Variants in FRMD6 observed in about 807,000 individuals in gnomAD.
FRMD6 encodes FERM domain-containing protein 6.
In FRMD6, 37 loss-of-function variants were observed where a neutral mutation model predicts 73.2. That is an observed-to-expected ratio of 0.51 (90% confidence interval 0.39 to 0.66). The LOEUF (loss-of-function observed/expected upper bound fraction) is 0.66, where lower values mean the gene tolerates loss of function less well. Ranked by LOEUF, FRMD6 falls within the 30% of genes least tolerant of loss-of-function variation. The pLI is 0.00. For synonymous variants in FRMD6, 273 were observed against 282.2 expected, an observed-to-expected ratio of 0.97 and a Z score of 0.33; for missense variants, 714 against 780.5, an observed-to-expected ratio of 0.91 and a Z score of 1.02.
chr14:51,524,436 C>T (rs8014586), intron 1 of FRMD6, among the ~76,000 whole-genome samples: 7 of 151,768 alleles, frequency 4.6e-5, no homozygotes, highest in Middle Eastern at 3.4e-3. Context: ...TTGCGGGGAG[C>T]GGGACCTCTG....
In FRMD6 at chr14:51,599,058, C is replaced by CTTTTCTTTTTTTTTTTTTTTTTTT. The variant is rs1158794443; in HGVS notation, c.-147+28652_-147+28653insCTTTTTTTTTTTTTTTTTTTTTTT. Among the ~76,000 whole-genome samples, 6 of 72,798 alleles carry CTTTTCTTTTTTTTTTTTTTTTTTT rather than the reference C, an allele frequency of 8.2e-5. 1 individual carries two copies. The highest frequency in any genetic ancestry group is 2.2e-4 in the African/African-American group (4 of 18,154). The allele number at this position is 72,798 out of a possible 152,430, so 47.8% of individuals were successfully genotyped here. The stretch of plus-strand genomic sequence containing the variant: ...TCTCAGCAGCCTTGCCAGTATCTGT[C>CTTTTCTTTTTTTTTTTTTTTTTTT]TTTTTTTTTTTTTTTTTTTTTTTTT... On this transcript the variant is annotated intron_variant, in intron 2 of 14. Coordinates refer to the FRMD6 transcript ENST00000356218.
At chr14:51,512,223 G>A (rs934541144) in intron 1 of FRMD6, among the ~76,000 whole-genome samples, 1 of 152,124 alleles carries the variant, frequency 6.6e-6, no homozygotes, top group African/African-American at 2.4e-5. Context: ...TGCATATGAA[G>A]GTGTTGTGGT....
chr14:51,694,727 G>A (rs1222950188), intron 2 of FRMD6, among the ~76,000 whole-genome samples: 2 of 152,144 alleles, frequency 1.3e-5, no homozygotes, highest in African/African-American at 4.8e-5. Context: ...TATATTTTTA[G>A]ATAAAGCTTT....
intron 2 of FRMD6, among the ~76,000 whole-genome samples, chr14:51,592,640 A>G (rs1279544080): frequency 1.3e-5 from 2 of 152,200 alleles, no homozygotes; most frequent in East Asian, 1.9e-4. Flanking sequence ...GCTTCAAACA[A>G]CAAATTATTG....
the FRMD6 span, among the ~76,000 whole-genome samples, chr14:51,429,765 A>T: frequency 2.6e-5 from 4 of 152,198 alleles, no homozygotes; most frequent in African/African-American, 4.8e-5. Flanking sequence ...ATATTTATAA[A>T]ATAAGGAAGT....
At chr14:51,723,299 G>A (rs930429380) in intron 12 of FRMD6, among the ~76,000 whole-genome samples, 1 of 152,146 alleles carries the variant, frequency 6.6e-6, no homozygotes, top group Non-Finnish European at 1.5e-5. Flanking sequence ...AACTGTGTAT[G>A]CCGCAGTGCC....
At chr14:51,696,263 T>G (rs1350092919) in intron 2 of FRMD6, among the ~76,000 whole-genome samples, 2 of 151,632 alleles carry the variant, frequency 1.3e-5, no homozygotes, top group East Asian at 3.9e-4. Context: ...TTTCTTAAAC[T>G]CTATCCAAAC....
chr14:51,578,063 C>A (rs1470067875), intron 2 of FRMD6, among the ~76,000 whole-genome samples: 2 of 152,116 alleles, frequency 1.3e-5, no homozygotes, highest in Admixed American at 1.3e-4. Context: ...CAGAAGCCAT[C>A]GTTGCTGTTA....
the FRMD6 span, among the ~76,000 whole-genome samples, chr14:51,408,028 T>C: frequency 7.2e-5 from 11 of 152,314 alleles, no homozygotes; most frequent in East Asian, 1.9e-3. Context: ...TTTCAATCTT[T>C]AGTGTTCTGG....
chr14:51,411,517 A>G, the FRMD6 span, among the ~76,000 whole-genome samples: 1 of 152,188 alleles, frequency 6.6e-6, no homozygotes, highest in Non-Finnish European at 1.5e-5. Context: ...CCTCCCCCTT[A>G]CATTGGGGGC....
chr14:51,708,471 A>G, intron 7 of FRMD6: 1 of 347,190 alleles, frequency 2.9e-6, no homozygotes, highest in Non-Finnish European at 5.2e-6. Context: ...TAGTGAGATG[A>G]CAATTGGCTA....
chr14:51,574,042 T>C (rs1447541358), intron 2 of FRMD6, among the ~76,000 whole-genome samples: 1 of 152,242 alleles, frequency 6.6e-6, no homozygotes, highest in Non-Finnish European at 1.5e-5. Context: ...GTAACAGTTT[T>C]CATAGAATTG....
At chr14:51,627,314 C>T (rs1416651826) in intron 2 of FRMD6, among the ~76,000 whole-genome samples, 1 of 152,168 alleles carries the variant, frequency 6.6e-6, no homozygotes. Context: ...ATCTCAACTT[C>T]TTATGTATGT....
intron 2 of FRMD6, among the ~76,000 whole-genome samples, chr14:51,612,115 A>G (rs1890535121): frequency 6.6e-6 from 1 of 152,240 alleles, no homozygotes; most frequent in South Asian, 2.1e-4. Context: ...AATATTTTCA[A>G]AAGAAATGCC....
exon 1 of FRMD6, chr14:51,489,401 C>T (rs1209045313): frequency 6.6e-6 from 1 of 152,552 alleles, no homozygotes; most frequent in Non-Finnish European, 1.5e-5. Flanking sequence ...CAGCCTGGCT[C>T]CTGGTGGCTC....
intron 1 of FRMD6, among the ~76,000 whole-genome samples, chr14:51,529,175 A>G (rs928950608): frequency 6.6e-5 from 10 of 152,224 alleles, no homozygotes; most frequent in Non-Finnish European, 1.2e-4. Context: ...AAAACACTTT[A>G]TAGTGTCTGA....
the FRMD6 span, among the ~76,000 whole-genome samples, chr14:51,447,916 C>G: frequency 6.6e-6 from 1 of 152,190 alleles, no homozygotes; most frequent in Non-Finnish European, 1.5e-5. Flanking sequence ...TCATATGATT[C>G]TAGCTTGGCA....
the FRMD6 span, among the ~76,000 whole-genome samples, chr14:51,458,705 G>A: frequency 4.6e-5 from 7 of 152,236 alleles, no homozygotes; most frequent in Non-Finnish European, 7.3e-5. Context: ...GGTTGGACTG[G>A]TGTTGGGGTG....
chr14:51,720,901 G>A (rs1897521046), intron 11 of FRMD6, among the ~76,000 whole-genome samples: 1 of 152,206 alleles, frequency 6.6e-6, no homozygotes, highest in Non-Finnish European at 1.5e-5. Flanking sequence ...GGAACTTACT[G>A]CATGTTAAGG....
Sources: allele counts gnomAD v4.1 joint callset (sites outside exome capture counted in the v4.1 genomes callset), GRCh38; gene constraint gnomAD v4.1.1; transcripts MANE v1.5; gene names NCBI Gene and HGNC (gene_info 2026-07-23, HGNC 2026-07-21).